IQCM: variants seen among roughly 807,000 people sequenced by gnomAD.
The protein encoded by IQCM is IQ motif containing M.
A neutral mutation model predicts 57.6 loss-of-function variants in IQCM; 45 were observed. The ratio of observed to expected loss-of-function variants is 0.78; its 90% CI spans 0.62 to 1.00. The LOEUF is 1.00. Ranked by LOEUF, IQCM falls within the 50% of genes least tolerant of loss-of-function variation. IQCM has a pLI of 0.00. For missense variants in IQCM, 468 were observed against 511.6 expected, an observed-to-expected ratio of 0.91 and a Z score of 0.82; for synonymous variants, 148 against 158.9, an observed-to-expected ratio of 0.93 and a Z score of 0.51.
intron 12 of IQCM, among the ~76,000 whole-genome samples, chr4:149,474,632 G>A (rs887039640): frequency 8.6e-5 from 13 of 151,580 alleles, no homozygotes; most frequent in Admixed American, 3.3e-4. Context: ...CAGGAGAATC[G>A]CTTGAACTCG....
rs145528138 is a variant in IQCM, at chr4:149,650,987, T to C, written c.566-29743A>G. On this transcript the variant is annotated intron_variant, in intron 7 of 13. Transcript: ENST00000636793. ...GCCCCTTTTTTCTTCTTGGAAATAA[T>C]CCAAAACCATTAATAAAAGTGAAAA... Among the ~76,000 whole-genome samples, 685 of 152,200 alleles carry C rather than the reference T, an allele frequency of 4.5e-3. 2 individuals carry two copies. Among genetic ancestry groups the C allele is most frequent in the Non-Finnish European group, 8.0e-3 (547 of 67,988 alleles).
intron 2 of IQCM, among the ~76,000 whole-genome samples, chr4:149,757,453 T>C (rs1454984746): frequency 6.6e-6 from 1 of 151,728 alleles, no homozygotes; most frequent in Non-Finnish European, 1.5e-5. Flanking sequence ...AAAGCTATAG[T>C]TAAAACCAAA....
At chr4:149,462,366 A>G (rs944694169) in intron 12 of IQCM, among the ~76,000 whole-genome samples, 3 of 152,206 alleles carry the variant, frequency 2.0e-5, no homozygotes, top group Non-Finnish European at 4.4e-5. Context: ...AGTCAAAATA[A>G]TGATAAATAA....
chr4:149,393,502 G>GTT (rs1196409419), intron 13 of IQCM, among the ~76,000 whole-genome samples: 1 of 151,704 alleles, frequency 6.6e-6, no homozygotes, highest in Non-Finnish European at 1.5e-5. Context: ...TAGTGGATAA[G>GTT]AATTTTTAAG....
intron 12 of IQCM, among the ~76,000 whole-genome samples, chr4:149,442,464 T>C: frequency 6.6e-6 from 1 of 152,194 alleles, no homozygotes; most frequent in East Asian, 1.9e-4. Flanking sequence ...CATTCAATTC[T>C]GGTTAAAACT....
intron 13 of IQCM, among the ~76,000 whole-genome samples, chr4:149,359,770 G>A (rs567192641): frequency 6.6e-6 from 1 of 152,168 alleles, no homozygotes; most frequent in Non-Finnish European, 1.5e-5. Context: ...CTTATTCAAG[G>A]TTATATATCA....
At chr4:149,662,594 T>C (rs1033127691) in intron 7 of IQCM, among the ~76,000 whole-genome samples, 6 of 152,048 alleles carry the variant, frequency 3.9e-5, no homozygotes, top group Non-Finnish European at 5.9e-5. Context: ...GCTTTGGTGC[T>C]GGGTGAATAT....
chr4:149,618,261 C>T (rs941628327), intron 8 of IQCM, among the ~76,000 whole-genome samples: 46 of 152,104 alleles, frequency 3.0e-4, no homozygotes, highest in African/African-American at 1.0e-3. Flanking sequence ...AAAGGACACC[C>T]TATTCAAGAA....
At chr4:149,439,621 A>G (rs969645353) in intron 12 of IQCM, among the ~76,000 whole-genome samples, 1 of 152,078 alleles carries the variant, frequency 6.6e-6, no homozygotes, top group African/African-American at 2.4e-5. Flanking sequence ...ACATTATCTC[A>G]AATTATTAAA....
intron 2 of IQCM, among the ~76,000 whole-genome samples, chr4:149,773,852 T>A (rs1770821135): frequency 6.6e-6 from 1 of 152,174 alleles, no homozygotes. Context: ...CCTGATTACC[T>A]ATTTCCCTTT....
intron 7 of IQCM, among the ~76,000 whole-genome samples, chr4:149,627,052 C>A (rs1756875070): frequency 6.6e-6 from 1 of 152,150 alleles, no homozygotes; most frequent in Non-Finnish European, 1.5e-5. Flanking sequence ...AGCTCCAAGA[C>A]AACAACTAGG....
At chr4:149,668,991 T>G (rs1321123502) in intron 7 of IQCM, among the ~76,000 whole-genome samples, 1 of 152,180 alleles carries the variant, frequency 6.6e-6, no homozygotes, top group Non-Finnish European at 1.5e-5. Flanking sequence ...TATTAACAAC[T>G]TTATAGCAAT....
intron 13 of IQCM, among the ~76,000 whole-genome samples, chr4:149,363,766 C>T (rs1283949013): frequency 6.6e-6 from 1 of 152,130 alleles, no homozygotes; most frequent in Non-Finnish European, 1.5e-5. Context: ...AATCTGCAAA[C>T]ATGGAAGACA....
chr4:149,606,736 C>T (rs145265468), intron 8 of IQCM, among the ~76,000 whole-genome samples: 617 of 152,096 alleles, frequency 4.1e-3, no homozygotes, highest in Non-Finnish European at 7.3e-3. Context: ...TTAAATCAAG[C>T]AGAAATTCTA....
chr4:149,665,237 G>A (rs956653838), intron 7 of IQCM, among the ~76,000 whole-genome samples: 2 of 152,106 alleles, frequency 1.3e-5, no homozygotes, highest in Non-Finnish European at 2.9e-5. Context: ...CCTACCCCAA[G>A]ACAATTCAGC....
At chr4:149,481,058 T>C (rs1272309824) in intron 12 of IQCM, among the ~76,000 whole-genome samples, 1 of 152,188 alleles carries the variant, frequency 6.6e-6, no homozygotes, top group African/African-American at 2.4e-5. Flanking sequence ...ATGTCTTCTT[T>C]GGAGAAATGG....
At chr4:149,660,532 T>A (rs1360053082) in intron 7 of IQCM, among the ~76,000 whole-genome samples, 1 of 152,108 alleles carries the variant, frequency 6.6e-6, no homozygotes, top group East Asian at 1.9e-4. Context: ...CACATGCACA[T>A]GTATGTTTAT....
At chr4:149,371,756 G>T (rs1162657109) in intron 13 of IQCM, among the ~76,000 whole-genome samples, 1 of 152,138 alleles carries the variant, frequency 6.6e-6, no homozygotes, top group Non-Finnish European at 1.5e-5. Flanking sequence ...TGAAAATGCA[G>T]CATTTTTCTA....
At chr4:149,726,130 A>AGAAT (rs1463383208) in intron 5 of IQCM, among the ~76,000 whole-genome samples, 1 of 148,260 alleles carries the variant, frequency 6.7e-6, no homozygotes, top group Non-Finnish European at 1.5e-5. Context: ...AAAGAAAGAA[A>AGAAT]GAAAGAAAGA....
Sources: gnomAD v4.1 joint callset for allele counts (sites outside exome capture counted in the v4.1 genomes callset) on GRCh38, gnomAD v4.1.1 for gene constraint, MANE v1.5 for transcripts, NCBI Gene and HGNC (gene_info 2026-07-23, HGNC 2026-07-21) for gene names.